CDK10: variants seen among roughly 807,000 people sequenced by gnomAD.
CDK10 encodes the protein cyclin-dependent kinase 10.
CDK10 carries 55 observed loss-of-function variants against 51.0 expected under a neutral mutation model. That is an observed-to-expected ratio of 1.08 (90% CI 0.87 to 1.35). The LOEUF (loss-of-function observed/expected upper bound fraction) is 1.35. Among genes scored for constraint, CDK10 ranks in the 40% most tolerant of loss-of-function variants. The pLI is 0.00. For synonymous variants in CDK10, 255 were observed against 199.1 expected, an observed-to-expected ratio of 1.28 and a Z score of -2.36; for missense variants, 589 against 485.1, an observed-to-expected ratio of 1.21 and a Z score of -2.01.
In CDK10 at chr16:89,696,272, A is replaced by T. The variant is rs2060715644; in HGVS notation, c.*580A>T. ...AGGCTGAGCTGCATCCCTGCTCCCC[A>T]CATGGAGGACCCAACAGGAGGCCGT... On this transcript the variant is annotated 3_prime_UTR_variant, in exon 13 of 13. Transcript: ENST00000353379. The T allele has an allele frequency of 1.8e-5, 4 of 226,380 alleles. No individual in the cohort carries two copies. Among genetic ancestry groups the T allele is most frequent in the Non-Finnish European group, 1.8e-5 (2 of 113,380 alleles). 14.0% of individuals were successfully genotyped at this position (226,380 alleles called of 1,614,324 possible).
intron 8 of CDK10, 190 bp from the exon 9 acceptor site, chr16:89,693,983 C>T (rs753856538): frequency 1.6e-5 from 10 of 635,488 alleles, no homozygotes; most frequent in African/African-American, 3.6e-5. Flanking sequence ...CACCGCTGCA[C>T]GTGACAGCTC....
intron 2 of CDK10, 98 bp downstream of exon 2, chr16:89,689,422 C>A: frequency 1.0e-6 from 1 of 1,003,940 alleles, no homozygotes; most frequent in Non-Finnish European, 1.6e-6. Flanking sequence ...CTGGAAGGGA[C>A]TCAGACCCTG....
chr16:89,688,077 CTTTTT>C (rs35911494), intron 1 of CDK10, among the ~76,000 whole-genome samples: 2 of 75,414 alleles, frequency 2.7e-5, no homozygotes, highest in African/African-American at 6.4e-5. Flanking sequence ...GCTACGTGTG[CTTTTT>C]TTTTTTTTTT....
At chr16:89,687,432 G>A (rs1485700136) in intron 1 of CDK10, 2 of 452,534 alleles carry the variant, frequency 4.4e-6, no homozygotes, top group Admixed American at 2.4e-5. Context: ...CACGTGTTCA[G>A]TAAGAATCAT....
intron 11 of CDK10, 71 bp downstream of exon 11, chr16:89,695,141 C>A: frequency 6.4e-7 from 1 of 1,561,766 alleles, no homozygotes. Context: ...CAGAGCCCAG[C>A]CTCACTGCGG....
chr16:89,692,436 A>AC lies in CDK10; in HGVS notation c.418-10dup, dbSNP rs761993310. The AC allele has an allele frequency of 1.3e-6, 2 of 1,543,616 alleles. No homozygotes were observed. Among genetic ancestry groups the AC allele is most frequent in the South Asian group, 2.5e-5 (2 of 81,380 alleles). On this transcript the variant is annotated splice_polypyrimidine_tract_variant and intron_variant, in intron 5 of 12. Transcript: ENST00000353379. The stretch of plus-strand genomic sequence containing the variant: ...AGGCTCACCCTGACTGGTACCTCTG[A>AC]CCCTCTGCACAGGTCAAGTGCATCG...
intron 12 of CDK10, 61 bp downstream of exon 12, chr16:89,695,406 G>C: frequency 6.4e-7 from 1 of 1,572,308 alleles, no homozygotes; most frequent in Non-Finnish European, 8.7e-7. Flanking sequence ...GTTTTGCCCG[G>C]GGTGGGTGGT....
chr16:89,695,479 T>TGTGGAGGCAC, intron 12 of CDK10, 116 bp from the exon 13 acceptor site: 2 of 1,458,150 alleles, frequency 1.4e-6, no homozygotes, highest in Admixed American at 3.7e-5. Context: ...GACAGGGGCA[T>TGTGGAGGCAC]GTGGAGGCAC....
rs529879850 is a variant in CDK10, at chr16:89,696,250, C to G, written c.*558C>G. ...TACCAGGAGAGCCCTGGGCTGGAGG[C>G]TGAGCTGCATCCCTGCTCCCCACAT... On this transcript the variant is annotated 3_prime_UTR_variant, in exon 13 of 13. Transcript: ENST00000353379. The G allele has an allele frequency of 4.1e-6, 1 of 244,586 alleles. No individual in the cohort carries two copies. The highest frequency in any genetic ancestry group is 1.0e-4 in the East Asian group (1 of 9,876). 15.2% of individuals were successfully genotyped at this position (244,586 alleles called of 1,614,324 possible). A position where few individuals can be genotyped will look rare whatever the true frequency, so the allele number is the denominator to read the frequency against.
In CDK10 at chr16:89,694,992, T is replaced by C; in HGVS notation, c.854T>C (p.Leu285Pro). 1 of 1,613,474 alleles carries C rather than the reference T, an allele frequency of 6.2e-7. No individual in the cohort carries two copies. ...YSLRKQPYNN[L>P]KHKFPWLSEA... ...CTCCGGAAGCAGCCCTACAACAACC[T>C]GAAGCACAAGTTCCCATGGCTGTCG... Residue 285 changes from leucine (L) to proline (P), a missense_variant, in exon 11 of 13, where the codon CTG (leucine) becomes CCG (proline). Transcript: ENST00000353379.
chr16:89,688,822 C>T (rs1396857335), intron 1 of CDK10, among the ~76,000 whole-genome samples: 4 of 152,306 alleles, frequency 2.6e-5, no homozygotes, highest in East Asian at 1.9e-4. Flanking sequence ...CCCAAGAGGC[C>T]GGGTACGGTG....
Position 89,694,654 on chromosome 16 carries a change from G to A in CDK10, c.669-11G>A, listed in dbSNP as rs1206555420. 2.5e-6 allele frequency: 4 copies of A among 1,584,566 alleles called. No individual in the cohort carries two copies. The highest frequency in any genetic ancestry group is 3.4e-6 in the Non-Finnish European group (4 of 1,166,944). Reference sequence around the variant, plus strand: ...ACGTCTGGCCGCAGTGAGGTCCACTGTTCTCTGCAGGGCTGTGGGCTGCAT... The same window carrying A: ...ACGTCTGGCCGCAGTGAGGTCCACTATTCTCTGCAGGGCTGTGGGCTGCAT... On this transcript the variant is annotated splice_polypyrimidine_tract_variant and intron_variant, in intron 9 of 12. Transcript: ENST00000353379.
rs191196251 is a variant in CDK10 at position 89,694,814 on chromosome 16, C to T, written c.792+26C>T. On this transcript the variant is annotated intron_variant, in intron 10 of 12. Coordinates refer to ENST00000353379, the MANE Select transcript of CDK10 (RefSeq NM_052988.5). ...GTGGGCGTCCTGGGCAGACCCGCAG[C>T]CCCCGCCCGTGCCCACGCCCTCTGC... The T allele has an allele frequency of 7.4e-4, 890 of 1,206,576 alleles. 1 individual carries two copies. Among genetic ancestry groups the T allele is most frequent in the Admixed American group, 9.9e-4 (34 of 34,228 alleles). 74.7% of individuals were successfully genotyped at this position (1,206,576 alleles called of 1,614,324 possible).
chr16:89,690,574 CAGATG>C lies in CDK10; in HGVS notation c.187_191del (p.Glu63CysfsTer57). 6.2e-7 allele frequency: 1 copy of C among 1,614,084 alleles called. No homozygotes were observed. Among genetic ancestry groups the C allele is most frequent in the Non-Finnish European group, 8.5e-7 (1 of 1,179,996 alleles). Reference sequence around the variant, plus strand: ...CCAGATCGGGCCCGGGACACCCAGACAGATGAGATTGTCGCACTGAAGAAGGTGCG... The same window carrying C: ...CCAGATCGGGCCCGGGACACCCAGACAGATTGTCGCACTGAAGAAGGTGCG... On this transcript the variant is annotated frameshift_variant, in exon 3 of 13. Transcript: ENST00000353379. LOFTEE classifies it high-confidence loss of function.
rs74873294 is a variant in CDK10, at chr16:89,696,283, C to G, written c.*591C>G. ...CATCCCTGCTCCCCACATGGAGGACCCAACAGGAGGCCGTGGCTCTGATGC... is the reference window on the plus strand; with the variant it reads ...CATCCCTGCTCCCCACATGGAGGACGCAACAGGAGGCCGTGGCTCTGATGC... On this transcript the variant is annotated 3_prime_UTR_variant, in exon 13 of 13. Transcript: ENST00000353379. 2,032 of 218,296 alleles carry G rather than the reference C, an allele frequency of 9.3e-3. 225 individuals are homozygous for G. In the East Asian group the frequency reaches 0.2, roughly 22 times the overall value. 13.5% of individuals were successfully genotyped at this position (218,296 alleles called of 1,614,324 possible). A position where few individuals can be genotyped will look rare whatever the true frequency, so the allele number is the denominator to read the frequency against.
rs951388744 is a variant in CDK10 at position 89,695,079 on chromosome 16, C to A, written c.932+9C>A. ...TACGACCCTAAGAAAAGGTGCTGAT[C>A]TCTGCACGGGGGGCAGGGACCCTCA... On this transcript the variant is annotated intron_variant, in intron 11 of 12. Transcript: ENST00000353379. 2.5e-6 allele frequency: 4 copies of A among 1,610,610 alleles called. No individual in the cohort carries two copies. Among genetic ancestry groups the A allele is most frequent in the Non-Finnish European group, 3.4e-6 (4 of 1,178,868 alleles).
At position 89,693,503 on chromosome 16, in the gene CDK10, C is replaced by T. The variant is rs199853952; in HGVS notation, c.608+36C>T. ...CTGAAGCATGGTGGCCCCTGGGGACCAGGCCTGTCTGGTGGAGGTCTCCTT... is the reference window on the plus strand; with the variant it reads ...CTGAAGCATGGTGGCCCCTGGGGACTAGGCCTGTCTGGTGGAGGTCTCCTT... On this transcript the variant is annotated intron_variant, in intron 8 of 12. Coordinates refer to ENST00000353379, the MANE Select transcript of CDK10 (RefSeq NM_052988.5). 78 of 1,605,442 alleles carry T rather than the reference C, an allele frequency of 4.9e-5. No individual in the cohort carries two copies. In the East Asian group the frequency reaches 1.7e-3, roughly 34 times the overall value.
intron 2 of CDK10, chr16:89,689,853 T>G (rs2060362697): frequency 6.5e-6 from 1 of 154,202 alleles, no homozygotes; most frequent in South Asian, 2.0e-4. Context: ...CCAGCTAATT[T>G]TTAAATTTTT....
chr16:89,690,311 G>T, intron 2 of CDK10: 2 of 538,452 alleles, frequency 3.7e-6, no homozygotes, highest in Non-Finnish European at 6.7e-6. Context: ...GTGGCTGGAG[G>T]CCAGGGTCCA....
Sources: allele counts gnomAD v4.1 joint callset (sites outside exome capture counted in the v4.1 genomes callset), GRCh38; gene constraint gnomAD v4.1.1; transcripts MANE v1.5; gene names NCBI Gene and HGNC (gene_info 2026-07-23, HGNC 2026-07-21).